Variants in SNX13 observed in about 807,000 individuals in gnomAD.
The protein encoded by SNX13 is sorting nexin-13.
SNX13 carries 45 observed loss-of-function variants against 133.6 expected under a neutral mutation model. That is an observed-to-expected ratio of 0.34 (90% CI 0.27 to 0.43). The LOEUF is 0.43. SNX13 is among the 20% of genes least tolerant of loss of function. The probability of loss-of-function intolerance (pLI) is 1.00; values close to 1 mark genes in which losing one functional copy is unlikely to be tolerated. For synonymous variants in SNX13, 414 were observed against 373.9 expected (o/e 1.11, Z -1.24); for missense variants, 1,032 against 1,145.1 (o/e 0.90, Z 1.43).
At chr7:17,873,316 T>C (rs1794330506) in intron 8 of SNX13, among the ~76,000 whole-genome samples, 1 of 152,242 alleles carries the variant, frequency 6.6e-6, no homozygotes, top group African/African-American at 2.4e-5. Flanking sequence ...ATCGAGCTAT[T>C]AGGTAATGAA....
At chr7:17,825,049 G>A (rs1167454828) in intron 17 of SNX13, among the ~76,000 whole-genome samples, 5 of 152,220 alleles carry the variant, frequency 3.3e-5, no homozygotes, top group South Asian at 2.1e-4. Flanking sequence ...GATTACAGGC[G>A]TGAGCCACCA....
intron 24 of SNX13, among the ~76,000 whole-genome samples, chr7:17,797,153 C>T (rs1466588189): frequency 2.0e-5 from 3 of 151,670 alleles, no homozygotes; most frequent in Admixed American, 2.0e-4. Context: ...AAGAAAAATA[C>T]CAGATAAAGT....
At chr7:17,809,339 C>CAGACTTTAAACCAACAA (rs548739166) in intron 20 of SNX13, among the ~76,000 whole-genome samples, 2,915 of 84,878 alleles carry the variant, frequency 0.034, 118 homozygotes, top group African/African-American at 0.11. Context: ...TCTGATAAAA[C>CAGACTTTAAACCAACAA]AGACTTTAAA....
chr7:17,911,667 T>C (rs1229196011), intron 1 of SNX13, among the ~76,000 whole-genome samples: 2 of 151,418 alleles, frequency 1.3e-5, no homozygotes, highest in African/African-American at 4.9e-5. Context: ...TTTAACATAA[T>C]TGCTTCCCAT....
rs1425189539 is a variant in SNX13, at chr7:17,791,000, T to C, written c.*3045A>G. The C allele has an allele frequency of 1.3e-5, 2 of 152,124 alleles. No homozygotes were observed. The highest frequency in any genetic ancestry group is 4.8e-5 in the African/African-American group (2 of 41,552). 9.4% of individuals were successfully genotyped at this position (152,124 alleles called of 1,614,324 possible). ...TGTGCTCTTCATATTTTTTCCCTTG[T>C]AATACAGGAGCCATGCTCCTAAAAG... On this transcript the variant is annotated 3_prime_UTR_variant, in exon 26 of 26. Transcript: ENST00000428135.
rs1034851723 is a variant in SNX13, at chr7:17,860,426, A to T, written c.837+7981T>A. Reference sequence around the variant, plus strand: ...GCTTGCAAATATTTTCTCCCATTGTATAGGGTACCTTTTCACTCTGGTGAT... The same window carrying T: ...GCTTGCAAATATTTTCTCCCATTGTTTAGGGTACCTTTTCACTCTGGTGAT... On this transcript the variant is annotated intron_variant, in intron 9 of 25. Transcript: ENST00000428135. 2.0e-5 allele frequency among the ~76,000 whole-genome samples: 3 copies of T among 152,146 alleles called. 1 individual carries two copies. The highest frequency in any genetic ancestry group is 7.2e-5 in the African/African-American group (3 of 41,436).
At chr7:17,896,129 T>C (rs1475610298) in intron 2 of SNX13, among the ~76,000 whole-genome samples, 1 of 152,208 alleles carries the variant, frequency 6.6e-6, no homozygotes, top group Non-Finnish European at 1.5e-5. Context: ...AGGAAACCCA[T>C]TTGGCTGCAG....
At chr7:17,827,053 T>A (rs1787988331) in intron 16 of SNX13, among the ~76,000 whole-genome samples, 1 of 152,026 alleles carries the variant, frequency 6.6e-6, no homozygotes. Flanking sequence ...CTTCTAGGAG[T>A]CCAGAATTTT....
intron 1 of SNX13, among the ~76,000 whole-genome samples, chr7:17,910,600 G>A (rs559424381): frequency 6.6e-6 from 1 of 152,252 alleles, no homozygotes; most frequent in South Asian, 2.1e-4. Flanking sequence ...TACTCAAACA[G>A]AAACATGTAC....
intron 12 of SNX13, among the ~76,000 whole-genome samples, chr7:17,845,337 A>G (rs564259127): frequency 3.7e-4 from 56 of 152,306 alleles, no homozygotes; most frequent in African/African-American, 1.2e-3. Context: ...TCAAAATTAT[A>G]GAGACAGAAA....
chr7:17,937,001 TA>T (rs1163450404), intron 1 of SNX13, among the ~76,000 whole-genome samples: 250 of 83,888 alleles, frequency 3.0e-3, no homozygotes, highest in Middle Eastern at 6.3e-3. Context: ...AAACTAACAT[TA>T]AAAAAAATAA....
At chr7:17,903,135 G>C (rs17138395) in intron 1 of SNX13, among the ~76,000 whole-genome samples, 2,784 of 152,208 alleles carry the variant, frequency 0.018, 92 homozygotes, top group African/African-American at 0.062. Context: ...ACTGGTCCCA[G>C]AATCACTCAC....
At chr7:17,882,161 T>C (rs1348458654) in intron 5 of SNX13, 1 of 152,286 alleles carries the variant, frequency 6.6e-6, no homozygotes, top group East Asian at 1.9e-4. Flanking sequence ...GGTTTACAAA[T>C]CTGCCTCTGC....
chr7:17,938,395 A>C (rs572938981), intron 1 of SNX13, among the ~76,000 whole-genome samples: 1 of 152,302 alleles, frequency 6.6e-6, no homozygotes, highest in South Asian at 2.1e-4. Context: ...CTTGGACAAG[A>C]GTCTCTGGCT....
chr7:17,899,789 C>G (rs1354703119), intron 1 of SNX13: 4 of 152,048 alleles, frequency 2.6e-5, no homozygotes, highest in Non-Finnish European at 2.9e-5. Context: ...TCTCTGTCTC[C>G]AGGATTGGTC....
intron 25 of SNX13, 83 bp from the exon 26 acceptor site, chr7:17,794,375 C>CA (rs1783831311): frequency 1.1e-5 from 16 of 1,481,064 alleles, no homozygotes; most frequent in Non-Finnish European, 1.4e-5. Context: ...AATTAAGGTA[C>CA]ACAGCAGAGT....
intron 1 of SNX13, chr7:17,899,270 T>C (rs1173303837): frequency 6.6e-6 from 1 of 152,200 alleles, no homozygotes; most frequent in Non-Finnish European, 1.5e-5. Flanking sequence ...GAGAGTTTGA[T>C]TATTAAGTAT....
chr7:17,938,585 G>A (rs192295760), intron 1 of SNX13, among the ~76,000 whole-genome samples: 1 of 152,342 alleles, frequency 6.6e-6, no homozygotes, highest in East Asian at 1.9e-4. Flanking sequence ...CACACAAAAA[G>A]TACTAAAGTA....
At position 17,913,488 on chromosome 7, in the gene SNX13, C is replaced by T. The variant is rs151155925; in HGVS notation, c.13-16042G>A. On this transcript the variant is annotated intron_variant, in intron 1 of 25. Coordinates refer to ENST00000428135, the MANE Select transcript of SNX13 (RefSeq NM_015132.5). ...AAGCATGTGCAGAGTTAAGAGCCCA[C>T]CTGCCAATTCTTAATCTTAAGTGCC... is the stretch of plus-strand genomic sequence containing the variant. Among the ~76,000 whole-genome samples the T allele has an allele frequency of 4.9e-3, 743 of 152,274 alleles. 5 individuals are homozygous for T. The highest frequency in any genetic ancestry group is 0.017 in the African/African-American group (715 of 41,552).
Sources: gnomAD v4.1 joint callset for allele counts (sites outside exome capture counted in the v4.1 genomes callset) on GRCh38, gnomAD v4.1.1 for gene constraint, MANE v1.5 for transcripts, NCBI Gene and HGNC (gene_info 2026-07-23, HGNC 2026-07-21) for gene names.